The following FILIP1L variants were observed in gnomAD, a reference collection of about 807,000 sequenced individuals.
FILIP1L encodes the protein filamin A-interacting protein 1-like.
In FILIP1L, 55 loss-of-function variants were observed where a neutral mutation model predicts 96.6. The ratio of observed to expected loss-of-function variants is 0.57; its 90% confidence interval spans 0.46 to 0.71. FILIP1L has a LOEUF of 0.71. Among genes scored for constraint, FILIP1L ranks in the 30% least tolerant of loss-of-function variants. The probability of loss-of-function intolerance (pLI) is 0.00; values close to 1 mark genes in which losing one functional copy is unlikely to be tolerated. For synonymous variants in FILIP1L, 467 were observed against 473.9 expected (o/e 0.99, Z 0.19); for missense variants, 1,304 against 1,321.2 (o/e 0.99, Z 0.20).
chr3:100,021,954 TGTGTGTGAGAGAGAGAGA>T (rs374664924), intron 1 of FILIP1L, among the ~76,000 whole-genome samples: 13,553 of 111,950 alleles, frequency 0.12, 742 homozygotes, highest in Admixed American at 0.18. Context: ...TGTGTGTGTG[TGTGTGTGAGAGAGAGAGA>T]GAGAGAGAGA....
chr3:99,917,562 A>G (rs1306209234), intron 4 of FILIP1L, among the ~76,000 whole-genome samples: 2 of 152,178 alleles, frequency 1.3e-5, no homozygotes, highest in Non-Finnish European at 2.9e-5. Context: ...AAATCAAAGC[A>G]TTGGTCTAGA....
intron 4 of FILIP1L, among the ~76,000 whole-genome samples, chr3:99,895,682 ATACCACACT>A (rs1706228625): frequency 6.6e-6 from 1 of 152,144 alleles, no homozygotes; most frequent in Non-Finnish European, 1.5e-5. Context: ...TGTACATGTA[ATACCACACT>A]TCCACATGTT....
Position 99,850,024 on chromosome 3 carries a change from G to C in FILIP1L, c.1652C>G (p.Thr551Ser). The C allele has an allele frequency of 6.2e-7, 1 of 1,608,098 alleles. No individual in the cohort carries two copies. The highest frequency in any genetic ancestry group is 1.7e-5 in the Admixed American group (1 of 58,730). Residue 551 changes from threonine (T) to serine (S), a missense_variant, in exon 5 of 6, where the codon ACC becomes AGC. Transcript: ENST00000477258. ...GCTGTACATCTTTTCTTCTACATCG[G>C]TTTTGGACTTGAGCGCCCTTTTAGT... ...EETKRALKSKTDVEEKMYSVT... is the reference protein window; with the variant it reads ...EETKRALKSKSDVEEKMYSVT...
intron 1 of FILIP1L, among the ~76,000 whole-genome samples, chr3:99,991,549 C>T (rs1216551181): frequency 6.6e-6 from 1 of 151,976 alleles, no homozygotes; most frequent in African/African-American, 2.4e-5. Context: ...GTACCCATCA[C>T]CCAAATCACA....
chr3:99,954,340 T>G (rs1708259468), intron 1 of FILIP1L, among the ~76,000 whole-genome samples: 1 of 152,204 alleles, frequency 6.6e-6, no homozygotes, highest in African/African-American at 2.4e-5. Context: ...AGACACACTT[T>G]GGGCCAGTAT....
chr3:99,860,111 A>T (rs1257533232), intron 4 of FILIP1L, among the ~76,000 whole-genome samples: 1 of 152,160 alleles, frequency 6.6e-6, no homozygotes, highest in African/African-American at 2.4e-5. Context: ...TGTCATCATC[A>T]CTGAGATCCT....
At chr3:99,886,326 A>C (rs1458436406) in intron 4 of FILIP1L, among the ~76,000 whole-genome samples, 1 of 151,614 alleles carries the variant, frequency 6.6e-6, no homozygotes, top group Non-Finnish European at 1.5e-5. Context: ...AGGGATGTCC[A>C]ATCTTTTGGC....
rs181249031 is a variant in FILIP1L, at chr3:99,880,954, C to T, written c.606-29884G>A. 4.0e-4 allele frequency among the ~76,000 whole-genome samples: 61 copies of T among 151,960 alleles called. 2 individuals are homozygous for T. The highest frequency in any genetic ancestry group is 5.9e-5 in the Non-Finnish European group (4 of 68,016). On this transcript the variant is annotated intron_variant, in intron 4 of 5. Coordinates refer to ENST00000477258, the MANE Select transcript of FILIP1L (RefSeq NM_001387850.1). ...TTTCTGAATCATGTTAGTGGCTTTTCTGTAGACATTGGGCTATTTAAAAGC... is the reference window on the plus strand; with the variant it reads ...TTTCTGAATCATGTTAGTGGCTTTTTTGTAGACATTGGGCTATTTAAAAGC...
At chr3:100,072,963 T>C (rs2065787380) in intron 1 of FILIP1L, among the ~76,000 whole-genome samples, 1 of 152,218 alleles carries the variant, frequency 6.6e-6, no homozygotes, top group Non-Finnish European at 1.5e-5. Context: ...GATGATAGCA[T>C]ATGTTTGAAG....
intron 1 of FILIP1L, among the ~76,000 whole-genome samples, chr3:100,066,936 TTC>T (rs374309400): frequency 6.6e-6 from 1 of 152,300 alleles, no homozygotes; most frequent in East Asian, 1.9e-4. Flanking sequence ...TCACAGGATA[TTC>T]TGTTTCAAAA....
intron 1 of FILIP1L, among the ~76,000 whole-genome samples, chr3:100,060,142 T>C (rs2065536395): frequency 6.6e-6 from 1 of 152,008 alleles, no homozygotes; most frequent in South Asian, 2.1e-4. Context: ...GTGTGTCACA[T>C]GGTGGGTGGG....
At chr3:100,081,796 T>A (rs1275511152) in intron 1 of FILIP1L, among the ~76,000 whole-genome samples, 1 of 152,224 alleles carries the variant, frequency 6.6e-6, no homozygotes, top group African/African-American at 2.4e-5. Context: ...AGGTTTCTCC[T>A]TCTGTTCTGG....
chr3:100,006,913 G>A (rs1458960132), intron 1 of FILIP1L, among the ~76,000 whole-genome samples: 4 of 152,176 alleles, frequency 2.6e-5, no homozygotes, highest in Non-Finnish European at 5.9e-5. Flanking sequence ...GCATTGAGAA[G>A]GATAAAAAAT....
intron 1 of FILIP1L, among the ~76,000 whole-genome samples, chr3:99,991,825 T>TAC (rs1709518816): frequency 1.3e-5 from 1 of 75,018 alleles, no homozygotes. Context: ...ATGGTGTGTG[T>TAC]ATATATATAT....
chr3:100,010,628 T>A (rs1013274532), intron 1 of FILIP1L, among the ~76,000 whole-genome samples: 1 of 151,410 alleles, frequency 6.6e-6, no homozygotes. Context: ...TTTTTTTTGT[T>A]TTTGGAGATG....
At chr3:100,113,747 T>C (rs2107482455) in intron 1 of FILIP1L, among the ~76,000 whole-genome samples, 1 of 152,342 alleles carries the variant, frequency 6.6e-6, no homozygotes, top group African/African-American at 2.4e-5. Context: ...TTTTCTTTAA[T>C]TTTTGACTAT....
intron 4 of FILIP1L, among the ~76,000 whole-genome samples, chr3:99,907,700 T>C (rs76685380): frequency 6.6e-6 from 1 of 152,178 alleles, no homozygotes; most frequent in Non-Finnish European, 1.5e-5. Flanking sequence ...CCCCTTCCCT[T>C]ATGCTATTAA....
At chr3:99,890,464 T>G (rs967256228) in intron 4 of FILIP1L, among the ~76,000 whole-genome samples, 2 of 152,152 alleles carry the variant, frequency 1.3e-5, no homozygotes, top group African/African-American at 4.8e-5. Context: ...GTTTTTTCTC[T>G]CCTTAATCTC....
intron 1 of FILIP1L, among the ~76,000 whole-genome samples, chr3:99,969,358 C>G (rs182443990): frequency 6.6e-6 from 1 of 152,274 alleles, no homozygotes; most frequent in East Asian, 1.9e-4. Flanking sequence ...TAAGAGCAAG[C>G]TAAGCAAGAA....
Sources: gnomAD v4.1 joint callset for allele counts (sites outside exome capture counted in the v4.1 genomes callset) on GRCh38, gnomAD v4.1.1 for gene constraint, MANE v1.5 for transcripts, NCBI Gene and HGNC (gene_info 2026-07-23, HGNC 2026-07-21) for gene names.